The following APOOL variants were observed in gnomAD, a reference collection of about 807,000 sequenced individuals.
The protein encoded by APOOL is MICOS complex subunit MIC27.
Under a neutral mutation model 23.1 loss-of-function variants are expected in APOOL, and 12 were observed. The observed-to-expected ratio is 0.52, with a 90% CI of 0.33 to 0.84. The LOEUF is 0.84. Ranked by LOEUF, APOOL falls within the 40% of genes least tolerant of loss-of-function variation. The probability of loss-of-function intolerance (pLI) is 0.02; values close to 1 mark genes in which losing one functional copy is unlikely to be tolerated. For missense variants in APOOL, 212 were observed against 199.6 expected, an observed-to-expected ratio of 1.06 and a Z score of -0.37; for synonymous variants, 77 against 69.9, an observed-to-expected ratio of 1.10 and a Z score of -0.51.
intron 1 of APOOL, among the ~76,000 whole-genome samples, chrX:85,013,490 T>C (rs768670650): frequency 8.9e-6 from 1 of 111,783 alleles, no homozygotes; most frequent in East Asian, 2.8e-4. Context: ...AGCACTACTT[T>C]TGCTGTATCC....
At chrX:85,064,663 G>A (rs1405516094) in intron 5 of APOOL, among the ~76,000 whole-genome samples, 2 of 111,555 alleles carry the variant, frequency 1.8e-5, no homozygotes, top group African/African-American at 6.5e-5. Flanking sequence ...AGAACAGCTT[G>A]TACAATTTCC....
At chrX:85,080,643 C>G (rs763408898) in intron 8 of APOOL, among the ~76,000 whole-genome samples, 4 of 111,304 alleles carry the variant, frequency 3.6e-5, no homozygotes, top group African/African-American at 9.8e-5. Flanking sequence ...TCCTGGATAT[C>G]CTTGTTAACC....
chrX:85,005,462 G>A (rs1279604404), intron 1 of APOOL, among the ~76,000 whole-genome samples: 2 of 746 alleles, frequency 2.7e-3, no homozygotes, highest in Admixed American at 0.041. Flanking sequence ...CCCGGTCCTC[G>A]CCAGTCTATT....
chrX:85,040,231 T>C (rs1922360506), intron 1 of APOOL, among the ~76,000 whole-genome samples: 1 of 112,145 alleles, frequency 8.9e-6, no homozygotes, highest in African/African-American at 3.2e-5. Flanking sequence ...AGGCCCCAAA[T>C]CTCTTCTGGC....
chrX:85,061,002 A>T (rs1340213347), intron 5 of APOOL, among the ~76,000 whole-genome samples: 39 of 111,490 alleles, frequency 3.5e-4, no homozygotes, highest in Non-Finnish European at 6.4e-4. Flanking sequence ...ATTCAGTATG[A>T]TACTGGCTGT....
chrX:85,049,483 CA>C (rs1395120928), intron 2 of APOOL, among the ~76,000 whole-genome samples: 1 of 111,597 alleles, frequency 9.0e-6, no homozygotes, highest in Non-Finnish European at 1.9e-5. Context: ...AGGCAACAAA[CA>C]GATAAAGAAC....
chrX:85,038,815 A>C (rs886365377), intron 1 of APOOL, among the ~76,000 whole-genome samples: 8 of 109,345 alleles, frequency 7.3e-5, no homozygotes, highest in Admixed American at 6.8e-4. Flanking sequence ...CTATTAGTCT[A>C]GCTAGTTGTC....
At chrX:85,025,717 T>C (rs1019623489) in intron 1 of APOOL, among the ~76,000 whole-genome samples, 1 of 112,921 alleles carries the variant, frequency 8.9e-6, no homozygotes, top group African/African-American at 3.2e-5. Context: ...CTACGTTCCA[T>C]ATCCAGGGCA....
intron 1 of APOOL, among the ~76,000 whole-genome samples, chrX:85,033,953 T>C (rs1290274099): frequency 8.9e-6 from 1 of 111,873 alleles, no homozygotes; most frequent in Non-Finnish European, 1.9e-5. Context: ...ATGTATAATC[T>C]TAACTTTTAT....
intron 1 of APOOL, among the ~76,000 whole-genome samples, chrX:85,043,410 AT>A (rs11400629): frequency 0.028 from 2,823 of 100,733 alleles, 90 homozygotes; most frequent in African/African-American, 0.094. Flanking sequence ...GAGGCTGGCA[AT>A]TTTTTTTTTT....
chrX:85,074,797 A>G (rs976872357), intron 8 of APOOL, among the ~76,000 whole-genome samples: 1 of 110,556 alleles, frequency 9.0e-6, no homozygotes, highest in Non-Finnish European at 1.9e-5. Flanking sequence ...TGTCAATCTT[A>G]AGACTTTTAT....
chrX:85,052,368 G>A (rs1922813064), intron 3 of APOOL, among the ~76,000 whole-genome samples: 1 of 111,704 alleles, frequency 9.0e-6, no homozygotes, highest in Non-Finnish European at 1.9e-5. Flanking sequence ...GGAGTAAGCT[G>A]ATGCAACACT....
chrX:85,056,332 T>C (rs1387634060), intron 5 of APOOL, among the ~76,000 whole-genome samples: 2 of 111,790 alleles, frequency 1.8e-5, no homozygotes, highest in African/African-American at 6.5e-5. Context: ...TATTTTTACA[T>C]TAAGATAAAA....
intron 1 of APOOL, among the ~76,000 whole-genome samples, chrX:85,038,189 T>C (rs1922279291): frequency 1.8e-5 from 2 of 111,988 alleles, no homozygotes; most frequent in South Asian, 7.4e-4. Flanking sequence ...TTAATTTGCA[T>C]CCATTAAACC....
intron 1 of APOOL, among the ~76,000 whole-genome samples, chrX:85,018,842 T>C (rs1921564635): frequency 1.8e-5 from 2 of 112,177 alleles, no homozygotes; most frequent in Admixed American, 1.9e-4. Flanking sequence ...CTTAAAATAA[T>C]TATTTTTAAT....
chrX:85,035,444 C>T (rs1316630609), intron 1 of APOOL, among the ~76,000 whole-genome samples: 1 of 110,911 alleles, frequency 9.0e-6, no homozygotes, highest in Non-Finnish European at 1.9e-5. Context: ...TGCACATGTT[C>T]TTTAGTTTAA....
intron 2 of APOOL, among the ~76,000 whole-genome samples, chrX:85,048,019 C>A (rs1342580284): frequency 9.0e-6 from 1 of 111,234 alleles, no homozygotes. Flanking sequence ...CTTGTTGAAC[C>A]ACTTTGTATT....
In APOOL at chrX:85,032,471, G is replaced by A. The variant is rs186541898; in HGVS notation, c.16-13975G>A. 5.2e-3 allele frequency among the ~76,000 whole-genome samples: 566 copies of A among 108,084 alleles called. 11 individuals carry two copies. The highest frequency in any genetic ancestry group is 0.043 in the Admixed American group (432 of 10,141). 93.9% of individuals were successfully genotyped at this position (108,084 alleles called of 115,157 possible). A position where few individuals can be genotyped will look rare whatever the true frequency, so the allele number is the denominator to read the frequency against. ...GGAGGTTGCAGTGAGCCGAGATCGC[G>A]CCATTGCACTCCAGCCTGGGCAACA... On this transcript the variant is annotated intron_variant, in intron 1 of 8. Coordinates refer to ENST00000373173, the MANE Select transcript of APOOL (RefSeq NM_198450.6).
At position 85,087,595 on chromosome X, in the gene APOOL, A is replaced by G. The variant is rs183377356; in HGVS notation, c.724A>G (p.Thr242Ala). 50 of 1,196,050 alleles carry G rather than the reference A, an allele frequency of 4.2e-5. 1 individual carries two copies. In the East Asian group the frequency reaches 1.5e-3, roughly 35 times the overall value. Residue 242 changes from threonine to alanine, a missense_variant, in exon 9 of 9, where the codon ACC becomes GCC. Coordinates refer to ENST00000373173, the MANE Select transcript of APOOL (RefSeq NM_198450.6). Reference protein sequence around the residue: ...KTKSESTSGATQFMPDPKLMD... With the variant: ...KTKSESTSGAAQFMPDPKLMD... ...TCATTTTAATACTTTATCAGGTGCAACCCAGTTTATGCCTGACCCCAAGCT... is the reference window on the plus strand; with the variant it reads ...TCATTTTAATACTTTATCAGGTGCAGCCCAGTTTATGCCTGACCCCAAGCT...
Sources: allele counts gnomAD v4.1 joint callset (sites outside exome capture counted in the v4.1 genomes callset), GRCh38; gene constraint gnomAD v4.1.1; transcripts MANE v1.5; gene names NCBI Gene and HGNC (gene_info 2026-07-23, HGNC 2026-07-21).